The following VXN variants were observed in gnomAD, a reference collection of about 807,000 sequenced individuals.
VXN encodes vexin.
Under a neutral mutation model 23.1 loss-of-function variants are expected in VXN, and 7 were observed. The ratio of observed to expected loss-of-function variants is 0.30; its 90% CI spans 0.17 to 0.57. VXN has a LOEUF of 0.57. Among genes scored for constraint, VXN ranks in the 20% least tolerant of loss-of-function variants. The probability of loss-of-function intolerance (pLI) is 0.91; values close to 1 mark genes in which losing one functional copy is unlikely to be tolerated. For synonymous variants in VXN, 120 were observed against 105.8 expected, an observed-to-expected ratio of 1.13 and a Z score of -0.83; for missense variants, 238 against 272.6, an observed-to-expected ratio of 0.87 and a Z score of 0.89.
At chr8:66,507,763 C>G (rs1046203620) in intron 3 of VXN, among the ~76,000 whole-genome samples, 11 of 151,672 alleles carry the variant, frequency 7.3e-5, no homozygotes, top group African/African-American at 2.7e-4. Flanking sequence ...ATTCCTTCAC[C>G]TCCTCCAATC....
In VXN at chr8:66,518,076, T is replaced by C. The variant is rs189813747; in HGVS notation, c.*2000T>C. ...CAAGTGCTCTTTTAAGAAGGGGCTA[T>C]CCCAGAGGACTGTTCAAAAGTCTCA... On this transcript the variant is annotated 3_prime_UTR_variant, in exon 6 of 6. Transcript: ENST00000305454. 46 of 152,352 alleles carry C rather than the reference T, an allele frequency of 3.0e-4. No individual in the cohort carries two copies. Among genetic ancestry groups the C allele is most frequent in the Admixed American group, 1.3e-3 (20 of 15,308 alleles). The allele number at this position is 152,352 out of a possible 1,614,324, so 9.4% of individuals were successfully genotyped here.
At position 66,498,600 on chromosome 8, in the gene VXN, A is replaced by C. The variant is rs192867249; in HGVS notation, c.126+2108A>C. On this transcript the variant is annotated intron_variant, in intron 2 of 5. Transcript: ENST00000305454. ...AACCCTGTATCACTATATCCTTTAA[A>C]TCTTTTGTGTGTGTGTGTGTGTCCT... 6.8e-3 allele frequency among the ~76,000 whole-genome samples: 1,041 copies of C among 152,148 alleles called. 4 individuals are homozygous for C. The highest frequency in any genetic ancestry group is 0.011 in the Non-Finnish European group (759 of 68,004).
intron 1 of VXN, among the ~76,000 whole-genome samples, chr8:66,496,068 G>T (rs1807622561): frequency 6.6e-6 from 1 of 152,170 alleles, no homozygotes; most frequent in South Asian, 2.1e-4. Context: ...GTGACATTTT[G>T]TGTCCGGCTT....
At chr8:66,508,068 T>A (rs745640831) in intron 3 of VXN, among the ~76,000 whole-genome samples, 55 of 152,064 alleles carry the variant, frequency 3.6e-4, no homozygotes, top group Non-Finnish European at 7.2e-4. Context: ...CCTCCAGGAC[T>A]TCTTCAGAGA....
chr8:66,506,231 C>CTG (rs1807756632), intron 3 of VXN, among the ~76,000 whole-genome samples: 1 of 84,820 alleles, frequency 1.2e-5, no homozygotes, highest in African/African-American at 5.8e-5. Flanking sequence ...GAGAGAGAGA[C>CTG]AGTGTGTGTG....
intron 2 of VXN, among the ~76,000 whole-genome samples, chr8:66,502,103 T>C (rs12545483): frequency 0.069 from 10,469 of 152,250 alleles, 842 homozygotes; most frequent in African/African-American, 0.18. Context: ...TCTTCTCTGA[T>C]TCCTCTTGAA....
chr8:66,499,920 T>C (rs1807672212), intron 2 of VXN, among the ~76,000 whole-genome samples: 1 of 152,022 alleles, frequency 6.6e-6, no homozygotes, highest in South Asian at 2.1e-4. Flanking sequence ...TTTCATAGGG[T>C]TTTGTCATGT....
At position 66,514,699 on chromosome 8, in the gene VXN, G is replaced by A. The variant is rs189169972; in HGVS notation, c.440+1062G>A. 2.9e-3 allele frequency among the ~76,000 whole-genome samples: 439 copies of A among 152,234 alleles called. 3 individuals are homozygous for A. Among genetic ancestry groups the A allele is most frequent in the African/African-American group, 1.0e-2 (415 of 41,542 alleles). ...CCTGCCTTGACCTCCCAAAGTGCTG[G>A]GATTACAGGCATGAGCCTCCACACC... On this transcript the variant is annotated intron_variant, in intron 5 of 5. Coordinates refer to ENST00000305454, the MANE Select transcript of VXN (RefSeq NM_152765.4).
At chr8:66,508,750 A>G (rs1807787825) in intron 3 of VXN, among the ~76,000 whole-genome samples, 1 of 152,152 alleles carries the variant, frequency 6.6e-6, no homozygotes, top group South Asian at 2.1e-4. Flanking sequence ...CATAACTGTT[A>G]TGTATCTCTA....
chr8:66,497,263 C>T (rs988709009), intron 2 of VXN, among the ~76,000 whole-genome samples: 1 of 152,216 alleles, frequency 6.6e-6, no homozygotes, highest in Non-Finnish European at 1.5e-5. Context: ...AGAACAATTT[C>T]ATCCATCCAT....
chr8:66,505,884 G>A (rs1315023903), intron 3 of VXN, among the ~76,000 whole-genome samples: 1 of 152,048 alleles, frequency 6.6e-6, no homozygotes, highest in Non-Finnish European at 1.5e-5. Context: ...TCACTGCCCT[G>A]GGCTCAAGCC....
Position 66,518,033 on chromosome 8 carries a change from A to T in VXN, c.*1957A>T, listed in dbSNP as rs1272765905. The stretch of plus-strand genomic sequence containing the variant: ...CACCAGATCCTCATATCTGAAAGTG[A>T]TTTGGAGACCTGGGCATCAAGTGCT... On this transcript the variant is annotated 3_prime_UTR_variant, in exon 6 of 6. Coordinates refer to ENST00000305454, the MANE Select transcript of VXN (RefSeq NM_152765.4). 6.6e-6 allele frequency: 1 copy of T among 152,232 alleles called. No individual in the cohort carries two copies. The highest frequency in any genetic ancestry group is 1.5e-5 in the Non-Finnish European group (1 of 68,046). The allele number at this position is 152,232 out of a possible 1,614,324, so 9.4% of individuals were successfully genotyped here.
At chr8:66,507,857 T>A (rs1807777019) in intron 3 of VXN, among the ~76,000 whole-genome samples, 1 of 152,158 alleles carries the variant, frequency 6.6e-6, no homozygotes, top group Non-Finnish European at 1.5e-5. Flanking sequence ...GGTGCCTGTT[T>A]CCAGGGAGCT....
intron 5 of VXN, among the ~76,000 whole-genome samples, chr8:66,514,620 G>A (rs1483446016): frequency 6.6e-6 from 1 of 152,072 alleles, no homozygotes; most frequent in Non-Finnish European, 1.5e-5. Context: ...AGTAGAGATG[G>A]GTTTTTGCCA....
Position 66,513,460 on chromosome 8 carries a change from C to T in VXN, c.343-80C>T, listed in dbSNP as rs572171297. The T allele has an allele frequency of 7.7e-6, 9 of 1,164,124 alleles. No individual in the cohort carries two copies. In the Admixed American group the frequency reaches 1.5e-4, roughly 20 times the overall value. 72.1% of individuals were successfully genotyped at this position (1,164,124 alleles called of 1,614,324 possible). A position where few individuals can be genotyped will look rare whatever the true frequency, so the allele number is the denominator to read the frequency against. The stretch of plus-strand genomic sequence containing the variant: ...GCGGTGGTGGTTCCATTCAGTCCCC[C>T]CACTTGCAGACAGCCTCAGTCAGGG... On this transcript the variant is annotated intron_variant, in intron 4 of 5. Coordinates refer to ENST00000305454, the MANE Select transcript of VXN (RefSeq NM_152765.4).
At chr8:66,514,617 A>G (rs1807864487) in intron 5 of VXN, among the ~76,000 whole-genome samples, 1 of 152,038 alleles carries the variant, frequency 6.6e-6, no homozygotes, top group Non-Finnish European at 1.5e-5. Flanking sequence ...TTTAGTAGAG[A>G]TGGGTTTTTG....
chr8:66,512,216 T>C (rs1807832229), intron 4 of VXN, among the ~76,000 whole-genome samples: 1 of 151,942 alleles, frequency 6.6e-6, no homozygotes, highest in African/African-American at 2.4e-5. Context: ...CACAGCTAAA[T>C]CCAAGTCCGT....
chr8:66,503,818 C>T (rs188772191), intron 2 of VXN, among the ~76,000 whole-genome samples: 21 of 152,350 alleles, frequency 1.4e-4, no homozygotes, highest in Middle Eastern at 3.4e-3. Flanking sequence ...CAGGAGGCCA[C>T]ATCCCATCCA....
intron 2 of VXN, among the ~76,000 whole-genome samples, chr8:66,499,538 GT>G (rs1295563761): frequency 6.6e-6 from 1 of 151,388 alleles, no homozygotes; most frequent in African/African-American, 2.4e-5. Flanking sequence ...TGCCCAGCCA[GT>G]TTTGTTTTTT....
Sources: allele counts gnomAD v4.1 joint callset (sites outside exome capture counted in the v4.1 genomes callset), GRCh38; gene constraint gnomAD v4.1.1; transcripts MANE v1.5; gene names NCBI Gene and HGNC (gene_info 2026-07-23, HGNC 2026-07-21).